SLC14A2: variants seen among roughly 807,000 people sequenced by gnomAD.
SLC14A2 encodes the protein urea transporter 2.
In SLC14A2, 91 loss-of-function variants were observed where a neutral mutation model predicts 104.6. The observed-to-expected ratio is 0.87, with a 90% confidence interval of 0.73 to 1.04. The LOEUF is 1.04. SLC14A2 is among the 50% of genes least tolerant of loss of function. The pLI is 0.00. For missense variants in SLC14A2, 1,189 were observed against 1,156.0 expected, an observed-to-expected ratio of 1.03 and a Z score of -0.41; for synonymous variants, 476 against 466.4, an observed-to-expected ratio of 1.02 and a Z score of -0.27.
chr18:45,511,396 G>A (rs924302168), intron 2 of SLC14A2, among the ~76,000 whole-genome samples: 1 of 152,062 alleles, frequency 6.6e-6, no homozygotes, highest in African/African-American at 2.4e-5. Flanking sequence ...CTCAGGAGTG[G>A]ATCCTTTTGG....
At chr18:45,509,333 C>T (rs138142139) in intron 2 of SLC14A2, among the ~76,000 whole-genome samples, 290 of 152,122 alleles carry the variant, frequency 1.9e-3, no homozygotes, top group African/African-American at 6.6e-3. Flanking sequence ...TCAATATCTG[C>T]TTGTCTCTCT....
chr18:45,460,166 G>T (rs2087018074), intron 1 of SLC14A2, among the ~76,000 whole-genome samples: 1 of 152,156 alleles, frequency 6.6e-6, no homozygotes, highest in South Asian at 2.1e-4. Context: ...CACCTGAAAG[G>T]AAATAATGCT....
rs544345770 is a variant in SLC14A2 at position 45,537,907 on chromosome 18, G to A, written c.-35+54585G>A. ...ATACAGTTCTGGAGTTCAGCAGAGA[G>A]GTCTGGGTTGGAAATAAAAATGTGG... On this transcript the variant is annotated intron_variant, in intron 2 of 20. Coordinates refer to the SLC14A2 transcript ENST00000586448. Among the ~76,000 whole-genome samples, 90 of 152,284 alleles carry A rather than the reference G, an allele frequency of 5.9e-4. 1 individual carries two copies. Among genetic ancestry groups the A allele is most frequent in the African/African-American group, 1.9e-3 (81 of 41,548 alleles).
At chr18:45,238,000 C>G (rs1039743516) in intron 1 of SLC14A2, among the ~76,000 whole-genome samples, 8 of 152,174 alleles carry the variant, frequency 5.3e-5, no homozygotes, top group African/African-American at 1.9e-4. Context: ...CTGAGCAGCA[C>G]CATTAAGCAC....
At chr18:45,370,666 C>T (rs912212970) in intron 1 of SLC14A2, among the ~76,000 whole-genome samples, 6 of 152,038 alleles carry the variant, frequency 3.9e-5, no homozygotes, top group Middle Eastern at 3.4e-3. Context: ...GCACTTCACG[C>T]GGGACCCATC....
chr18:45,517,366 C>A (rs1042947128), intron 2 of SLC14A2, among the ~76,000 whole-genome samples: 3 of 152,160 alleles, frequency 2.0e-5, no homozygotes, highest in Admixed American at 6.5e-5. Flanking sequence ...CCCAGCCAGG[C>A]TGACCTCAGC....
chr18:45,401,593 A>C (rs995755455), intron 1 of SLC14A2, among the ~76,000 whole-genome samples: 1 of 152,212 alleles, frequency 6.6e-6, no homozygotes, highest in Non-Finnish European at 1.5e-5. Context: ...ATAAGTGCAA[A>C]AGGAAGTCCC....
At chr18:45,572,400 C>A (rs926401010) in intron 2 of SLC14A2, among the ~76,000 whole-genome samples, 1 of 152,176 alleles carries the variant, frequency 6.6e-6, no homozygotes, top group Non-Finnish European at 1.5e-5. Flanking sequence ...GTTCTTTTGC[C>A]TTCTGTCAAG....
At chr18:45,668,521 C>T in intron 15 of SLC14A2, 44 bp downstream of exon 15, 1 of 1,608,450 alleles carries the variant, frequency 6.2e-7, no homozygotes, top group East Asian at 2.2e-5. Context: ...TCAATGGCCA[C>T]CAACCTTTTC....
chr18:45,634,741 G>A (rs62090577), intron 5 of SLC14A2: 3 of 448,874 alleles, frequency 6.7e-6, no homozygotes, highest in South Asian at 3.2e-5. Context: ...TATATCAGCT[G>A]TGATAGAAAG....
intron 1 of SLC14A2, among the ~76,000 whole-genome samples, chr18:45,252,808 T>C (rs1172206899): frequency 2.0e-5 from 3 of 151,576 alleles, no homozygotes; most frequent in Non-Finnish European, 4.4e-5. Flanking sequence ...TTTTTTTTTT[T>C]TGGCAAATGA....
intron 19 of SLC14A2, 117 bp from the exon 20 acceptor site, chr18:45,682,202 A>G (rs1387993091): frequency 7.2e-6 from 6 of 836,894 alleles, no homozygotes; most frequent in Admixed American, 5.4e-5. Context: ...TCAATGAAGT[A>G]TCAATGCCCT....
chr18:45,475,303 T>C (rs931192061), intron 1 of SLC14A2, among the ~76,000 whole-genome samples: 1 of 152,078 alleles, frequency 6.6e-6, no homozygotes, highest in African/African-American at 2.4e-5. Flanking sequence ...ATGTGGTCAA[T>C]TTTAGAATAA....
intron 1 of SLC14A2, among the ~76,000 whole-genome samples, chr18:45,229,267 C>T (rs1400824829): frequency 6.6e-6 from 1 of 152,114 alleles, no homozygotes; most frequent in Non-Finnish European, 1.5e-5. Flanking sequence ...GAAGCCAGGT[C>T]CTGCCTTCCA....
chr18:45,653,630 T>C (rs1599127193), intron 10 of SLC14A2, among the ~76,000 whole-genome samples: 1 of 152,118 alleles, frequency 6.6e-6, no homozygotes, highest in South Asian at 2.1e-4. Flanking sequence ...CCCTAATATA[T>C]AGATCTCAGA....
At position 45,641,242 on chromosome 18, in the gene SLC14A2, A is replaced by G. The variant is rs1407985334; in HGVS notation, c.1025A>G (p.Tyr342Cys). Residue 342 changes from tyrosine (Y) to cysteine (C), a missense_variant, in exon 8 of 20, where the codon TAC (tyrosine) becomes TGC (cysteine). Tyr to Cys is a radical substitution (Grantham distance 194, BLOSUM62 -2). Transcript: ENST00000255226. ...LSVATPFETI[Y>C]TGLWSYNCVL... Reference sequence around the variant, plus strand: ...GTGGCCACACCCTTCGAGACCATCTACACAGGCCTCTGGAGCTACAACTGC... The same window carrying G: ...GTGGCCACACCCTTCGAGACCATCTGCACAGGCCTCTGGAGCTACAACTGC... The G allele has an allele frequency of 1.2e-6, 2 of 1,614,138 alleles. No individual in the cohort carries two copies. The highest frequency in any genetic ancestry group is 4.5e-5 in the East Asian group (2 of 44,880).
At chr18:45,314,559 C>A (rs910893225) in intron 1 of SLC14A2, among the ~76,000 whole-genome samples, 20 of 152,268 alleles carry the variant, frequency 1.3e-4, no homozygotes, top group African/African-American at 2.6e-4. Flanking sequence ...GGATATGACC[C>A]TATGTCTGTT....
chr18:45,336,329 C>T (rs955434171), intron 1 of SLC14A2, among the ~76,000 whole-genome samples: 15 of 152,188 alleles, frequency 9.9e-5, no homozygotes, highest in African/African-American at 3.4e-4. Context: ...GAGGGATAGA[C>T]CCTTGAGAAA....
intron 4 of SLC14A2, 135 bp from the exon 5 acceptor site, chr18:45,632,215 T>C: frequency 9.6e-7 from 1 of 1,046,956 alleles, no homozygotes; most frequent in African/African-American, 1.6e-5. Flanking sequence ...CAATATTCAT[T>C]GAGCGAACTG....
Sources: allele counts gnomAD v4.1 joint callset (sites outside exome capture counted in the v4.1 genomes callset), GRCh38; gene constraint gnomAD v4.1.1; transcripts MANE v1.5; gene names NCBI Gene and HGNC (gene_info 2026-07-23, HGNC 2026-07-21).